Variants in APBB2 observed in about 807,000 individuals in gnomAD.
APBB2 encodes amyloid beta precursor protein binding family B member 2.
In APBB2, 38 loss-of-function variants were observed where a neutral mutation model predicts 82.5. The ratio of observed to expected loss-of-function variants is 0.46; its 90% CI spans 0.36 to 0.60. The LOEUF (loss-of-function observed/expected upper bound fraction) is 0.60. APBB2 is among the 20% of genes least tolerant of loss of function. The pLI, the probability that APBB2 is intolerant of heterozygous loss-of-function variation, is 0.00. For synonymous variants in APBB2, 341 were observed against 368.2 expected (o/e 0.93, Z 0.85); for missense variants, 772 against 972.3 (o/e 0.79, Z 2.74).
intron 10 of APBB2, among the ~76,000 whole-genome samples, chr4:40,897,992 T>A (rs541313759): frequency 6.6e-6 from 1 of 152,274 alleles, no homozygotes; most frequent in South Asian, 2.1e-4. Context: ...TCTTCAATAG[T>A]TCTTAACCAA....
chr4:41,098,622 T>C (rs1744348884), intron 3 of APBB2, among the ~76,000 whole-genome samples: 1 of 152,146 alleles, frequency 6.6e-6, no homozygotes, highest in Non-Finnish European at 1.5e-5. Context: ...TTTACAACAA[T>C]GCTACAATGT....
At chr4:40,989,273 G>A (rs896972443) in intron 6 of APBB2, among the ~76,000 whole-genome samples, 11 of 152,090 alleles carry the variant, frequency 7.2e-5, no homozygotes, top group Non-Finnish European at 1.5e-4. Flanking sequence ...AGAGAGAATC[G>A]TTTTCCCCCT....
chr4:40,824,632 TA>T (rs1749239949), intron 15 of APBB2, among the ~76,000 whole-genome samples: 3 of 152,190 alleles, frequency 2.0e-5, no homozygotes, highest in Admixed American at 2.0e-4. Context: ...GGACTACAGG[TA>T]CATGCCACCA....
chr4:40,883,250 GT>G (rs1304675250), intron 12 of APBB2, among the ~76,000 whole-genome samples: 1 of 152,120 alleles, frequency 6.6e-6, no homozygotes, highest in African/African-American at 2.4e-5. Context: ...TGAGCCCAAG[GT>G]GTTCAAGGCT....
intron 3 of APBB2, among the ~76,000 whole-genome samples, chr4:41,075,119 G>C (rs1359666954): frequency 1.3e-5 from 2 of 152,124 alleles, no homozygotes; most frequent in African/African-American, 2.4e-5. Flanking sequence ...GGCAACAAGA[G>C]TGACACTCTG....
chr4:40,906,481 A>G (rs1266352882), intron 10 of APBB2, among the ~76,000 whole-genome samples: 1 of 144,602 alleles, frequency 6.9e-6, no homozygotes, highest in Non-Finnish European at 1.6e-5. Flanking sequence ...AAAAAAAAAA[A>G]AAAAAAAGAA....
chr4:40,982,728 T>G (rs1288728478), intron 6 of APBB2, among the ~76,000 whole-genome samples: 1 of 151,454 alleles, frequency 6.6e-6, no homozygotes, highest in African/African-American at 2.4e-5. Context: ...GAAGTTGAGG[T>G]TGCAGTGAGC....
intron 12 of APBB2, chr4:40,848,785 T>G (rs1758422724): frequency 4.5e-6 from 4 of 897,968 alleles, no homozygotes; most frequent in Non-Finnish European, 5.3e-6. Context: ...AGCCCGCCCC[T>G]GCCTGGGCTT....
At chr4:41,022,128 G>A (rs554597392) in intron 5 of APBB2, among the ~76,000 whole-genome samples, 7 of 152,260 alleles carry the variant, frequency 4.6e-5, no homozygotes, top group South Asian at 2.1e-4. Flanking sequence ...AATAAATTCC[G>A]GACACAGAGG....
intron 4 of APBB2, among the ~76,000 whole-genome samples, chr4:41,047,354 C>T (rs1207301728): frequency 6.6e-6 from 1 of 152,212 alleles, no homozygotes; most frequent in Non-Finnish European, 1.5e-5. Context: ...ACAGGAGGTA[C>T]AAGTCTTTTA....
chr4:41,195,413 C>A, intron 1 of APBB2, among the ~76,000 whole-genome samples: 1 of 152,158 alleles, frequency 6.6e-6, no homozygotes, highest in Admixed American at 6.5e-5. Context: ...CGTGCTCGCT[C>A]CACTTTGAAC....
intron 4 of APBB2, among the ~76,000 whole-genome samples, chr4:41,036,591 C>T (rs913569037): frequency 6.6e-6 from 1 of 152,092 alleles, no homozygotes; most frequent in African/African-American, 2.4e-5. Context: ...AAGTTACTCA[C>T]ATAAATAAGT....
intron 6 of APBB2, among the ~76,000 whole-genome samples, chr4:40,949,638 A>T (rs1218833103): frequency 6.6e-6 from 1 of 152,084 alleles, no homozygotes; most frequent in Non-Finnish European, 1.5e-5. Context: ...GGAGTATTCG[A>T]CAACACCAGG....
chr4:40,946,001 G>A (rs1418467085), intron 6 of APBB2, among the ~76,000 whole-genome samples: 1 of 152,152 alleles, frequency 6.6e-6, no homozygotes, highest in Non-Finnish European at 1.5e-5. Context: ...GGGAGGCCGA[G>A]GTGGGTGGAT....
At chr4:40,859,710 G>A (rs138851056) in intron 12 of APBB2, among the ~76,000 whole-genome samples, 2 of 152,254 alleles carry the variant, frequency 1.3e-5, no homozygotes, top group Non-Finnish European at 1.5e-5. Flanking sequence ...GTCTATAATC[G>A]CTTTCAGGGT....
chr4:40,952,534 G>C (rs1304721040), intron 6 of APBB2, among the ~76,000 whole-genome samples: 3 of 152,032 alleles, frequency 2.0e-5, no homozygotes, highest in African/African-American at 4.8e-5. Context: ...AAGTAGACTT[G>C]TGAAACTTCT....
At position 40,829,290 on chromosome 4, in the gene APBB2, G is replaced by A. The variant is rs187439506; in HGVS notation, c.1644+1173C>T. On this transcript the variant is annotated intron_variant, in intron 13 of 17. Coordinates refer to ENST00000508593, the MANE Select transcript of APBB2 (RefSeq NM_004307.2). ...TTTGGAATACTGTGTTCATCTGGGG[G>A]ATCCAACCAGAGAGTGCCCAGAAGA... Among the ~76,000 whole-genome samples, 167 of 152,260 alleles carry A rather than the reference G, an allele frequency of 1.1e-3. 2 individuals are homozygous for A. The highest frequency in any genetic ancestry group is 6.8e-3 in the Middle Eastern group (2 of 294).
chr4:41,145,542 AG>A (rs1441630955), intron 1 of APBB2, among the ~76,000 whole-genome samples: 1 of 152,246 alleles, frequency 6.6e-6, no homozygotes, highest in Non-Finnish European at 1.5e-5. Flanking sequence ...CAGGAGAAAA[AG>A]TGAAGACTCA....
chr4:40,887,460 G>C (rs1770647927), intron 12 of APBB2, among the ~76,000 whole-genome samples: 1 of 152,012 alleles, frequency 6.6e-6, no homozygotes, highest in African/African-American at 2.4e-5. Context: ...TTTTTCGCAA[G>C]CAAAAATGTT....
Sources: gnomAD v4.1 joint callset for allele counts (sites outside exome capture counted in the v4.1 genomes callset) on GRCh38, gnomAD v4.1.1 for gene constraint, MANE v1.5 for transcripts, NCBI Gene and HGNC (gene_info 2026-07-23, HGNC 2026-07-21) for gene names.